The following PCDHGA8 variants were observed in gnomAD, a reference collection of about 807,000 sequenced individuals.
The protein encoded by PCDHGA8 is protocadherin gamma subfamily A, 8.
A neutral mutation model predicts 59.2 loss-of-function variants in PCDHGA8; 45 were observed. The ratio of observed to expected loss-of-function variants is 0.76; its 90% CI spans 0.60 to 0.98. The LOEUF (loss-of-function observed/expected upper bound fraction) is 0.98. Among genes scored for constraint, PCDHGA8 ranks in the 50% least tolerant of loss-of-function variants. The probability of loss-of-function intolerance (pLI) is 0.00; values close to 1 mark genes in which losing one functional copy is unlikely to be tolerated. For synonymous variants in PCDHGA8, 531 were observed against 519.0 expected, an observed-to-expected ratio of 1.02 and a Z score of -0.32; for missense variants, 1,257 against 1,196.2, an observed-to-expected ratio of 1.05 and a Z score of -0.75.
At chr5:141,484,921 T>A in intron 1 of PCDHGA8, 1 of 478,304 alleles carries the variant, frequency 2.1e-6, no homozygotes, top group South Asian at 2.8e-5. Flanking sequence ...TTAACCCTGC[T>A]GCTGTTGGGA....
rs754728562 is a variant in PCDHGA8, at chr5:141,489,487, G to A, written c.2425-5320G>A. 6.2e-7 allele frequency: 1 copy of A among 1,613,942 alleles called. No individual in the cohort carries two copies. On this transcript the variant is annotated intron_variant, in intron 1 of 3. Coordinates refer to ENST00000398604, the MANE Select transcript of PCDHGA8 (RefSeq NM_032088.2). This position sits in a 1 kb window ranked among gnomAD's most constrained non-coding sequence, Gnocchi z 4.5. The stretch of plus-strand genomic sequence containing the variant: ...TTTTTCCCTGAGCTTGATGAGTGGT[G>A]CCCTGGCAGTGAATCAAAAGATTGA...
intron 1 of PCDHGA8, chr5:141,427,070 G>A (rs929936578): frequency 3.1e-5 from 14 of 457,822 alleles, no homozygotes; most frequent in Non-Finnish European, 6.2e-5. Context: ...TACTAAAGGT[G>A]ACAGCCACTG....
At chr5:141,447,957 A>T (rs1460497437) in intron 1 of PCDHGA8, among the ~76,000 whole-genome samples, 3 of 151,910 alleles carry the variant, frequency 2.0e-5, no homozygotes, top group African/African-American at 7.3e-5. Context: ...ATGGTGGCGG[A>T]CACCTATAAT....
At position 141,392,643 on chromosome 5, in the gene PCDHGA8, AAGAC is replaced by A; in HGVS notation, c.-170_-167del. On this transcript the variant is annotated 5_prime_UTR_variant, in exon 1 of 4. Coordinates refer to ENST00000398604, the MANE Select transcript of PCDHGA8 (RefSeq NM_032088.2). ...AAACACTCAGATCTCACACCTCACG[AAGAC>A]CCGCAGATGCCACAAACTAACTGCT... is the stretch of plus-strand genomic sequence containing the variant. 1.5e-6 allele frequency: 1 copy of A among 663,020 alleles called. No individual in the cohort carries two copies. Among genetic ancestry groups the A allele is most frequent in the Middle Eastern group, 4.0e-4 (1 of 2,528 alleles). 41.1% of individuals were successfully genotyped at this position (663,020 alleles called of 1,614,324 possible). A position where few individuals can be genotyped will look rare whatever the true frequency, so the allele number is the denominator to read the frequency against.
chr5:141,401,623 T>A (rs1418194568), intron 1 of PCDHGA8, among the ~76,000 whole-genome samples: 1 of 152,230 alleles, frequency 6.6e-6, no homozygotes, highest in African/African-American at 2.4e-5. Flanking sequence ...GGATTTGTCT[T>A]ATCGTTTGGA....
chr5:141,419,454 T>A (rs1191326733), intron 1 of PCDHGA8: 1 of 1,612,786 alleles, frequency 6.2e-7, no homozygotes, highest in Non-Finnish European at 8.5e-7. Flanking sequence ...GAGCTCACGC[T>A]GCAGGCCCGC....
At chr5:141,413,443 A>G (rs2095641277) in intron 1 of PCDHGA8, 1 of 1,613,986 alleles carries the variant, frequency 6.2e-7, no homozygotes, top group Admixed American at 1.7e-5. Context: ...CAGCTTGATC[A>G]CCGCGGGCAG....
rs770638374 is a variant in PCDHGA8 at position 141,409,524 on chromosome 5, A to G, written c.2424+14287A>G. On this transcript the variant is annotated intron_variant, in intron 1 of 3. Coordinates refer to ENST00000398604, the MANE Select transcript of PCDHGA8 (RefSeq NM_032088.2). ...TCTTCCAGTAGAAGCATCACCTTGTATGTCGCTGACATCAACGACAACGCC... is the reference window on the plus strand; with the variant it reads ...TCTTCCAGTAGAAGCATCACCTTGTGTGTCGCTGACATCAACGACAACGCC... 11 of 1,613,972 alleles carry G rather than the reference A, an allele frequency of 6.8e-6. No homozygotes were observed. In the South Asian group the frequency reaches 1.1e-4, roughly 16 times the overall value.
At chr5:141,433,195 T>C (rs765385329) in intron 1 of PCDHGA8, 8 of 1,582,476 alleles carry the variant, frequency 5.1e-6, no homozygotes, top group Non-Finnish European at 6.9e-6. Flanking sequence ...TGAGTTTATA[T>C]CAAATCTTCT....
chr5:141,465,454 T>A (rs1031876441), intron 1 of PCDHGA8, among the ~76,000 whole-genome samples: 1 of 152,184 alleles, frequency 6.6e-6, no homozygotes, highest in Non-Finnish European at 1.5e-5. Flanking sequence ...AAGAAAACTC[T>A]CACCAAATTG....
At chr5:141,455,041 T>C (rs971722465) in intron 1 of PCDHGA8, among the ~76,000 whole-genome samples, 2 of 151,234 alleles carry the variant, frequency 1.3e-5, no homozygotes, top group Non-Finnish European at 2.9e-5. Flanking sequence ...CTCGATCTCC[T>C]GACCTCGTGA....
Position 141,490,310 on chromosome 5 carries a change from A to G in PCDHGA8, c.2425-4497A>G. 2 of 1,614,082 alleles carry G rather than the reference A, an allele frequency of 1.2e-6. No homozygotes were observed. Among genetic ancestry groups the G allele is most frequent in the South Asian group, 2.2e-5 (2 of 91,078 alleles). ...GAGGTGCTATTGGCCTCTTTGGCCA[A>G]CCCTGTCCTAGAGAGCACACCAGTG... On this transcript the variant is annotated intron_variant, in intron 1 of 3. Transcript: ENST00000398604. The surrounding 1 kb of genome is among the most constrained non-coding windows in gnomAD (Gnocchi z 5.4).
At chr5:141,471,046 C>CT (rs1170588345) in intron 1 of PCDHGA8, among the ~76,000 whole-genome samples, 3,156 of 113,234 alleles carry the variant, frequency 0.028, 57 homozygotes, top group African/African-American at 0.046. Context: ...CCCAAGCCCT[C>CT]TTTTTTTTTT....
At chr5:141,497,878 C>T (rs553853040) in intron 2 of PCDHGA8, among the ~76,000 whole-genome samples, 32 of 152,256 alleles carry the variant, frequency 2.1e-4, no homozygotes, top group Non-Finnish European at 3.5e-4. Flanking sequence ...GTGAAATAAG[C>T]GTTAGGATCT....
intron 1 of PCDHGA8, chr5:141,418,232 G>A (rs1034684988): frequency 6.2e-7 from 1 of 1,614,066 alleles, no homozygotes; most frequent in Non-Finnish European, 8.5e-7. Flanking sequence ...GGTGATTGAG[G>A]ATGTTAATGA....
In PCDHGA8 at chr5:141,476,177, C is replaced by T. The variant is rs1221752964; in HGVS notation, c.2425-18630C>T. On this transcript the variant is annotated intron_variant, in intron 1 of 3. Transcript: ENST00000398604. The surrounding 1 kb of genome is among the most constrained non-coding windows in gnomAD (Gnocchi z 7.6). ...CACCGGGAGGGTAGTGGGAGTTTTG[C>T]TTCTGCTTGGTGCCTTGAACAAGGC... 6.2e-7 allele frequency: 1 copy of T among 1,613,436 alleles called. No individual in the cohort carries two copies. Among genetic ancestry groups the T allele is most frequent in the Non-Finnish European group, 8.5e-7 (1 of 1,179,944 alleles).
chr5:141,443,947 T>C (rs2098410978), intron 1 of PCDHGA8, among the ~76,000 whole-genome samples: 1 of 152,082 alleles, frequency 6.6e-6, no homozygotes, highest in Non-Finnish European at 1.5e-5. Flanking sequence ...GGTTTCCTTA[T>C]TGGTATGTAT....
At position 141,476,923 on chromosome 5, in the gene PCDHGA8, G is replaced by A. The variant is rs368207814; in HGVS notation, c.2425-17884G>A. On this transcript the variant is annotated intron_variant, in intron 1 of 3. Transcript: ENST00000398604. This position sits in a 1 kb window ranked among gnomAD's most constrained non-coding sequence, Gnocchi z 7.6. ...CGCGCGTGGTACAAGTCCTTGCAAC[G>A]GATCTGGATGAAGGCCCCAACGGTG... The A allele has an allele frequency of 5.0e-6, 8 of 1,614,024 alleles. No individual in the cohort carries two copies. Among genetic ancestry groups the A allele is most frequent in the African/African-American group, 4.0e-5 (3 of 74,952 alleles).
chr5:141,470,037 G>A lies in PCDHGA8; in HGVS notation c.2425-24770G>A, dbSNP rs76537989. Among the ~76,000 whole-genome samples the A allele has an allele frequency of 2.3e-3, 347 of 152,258 alleles. 6 individuals are homozygous for A. The East Asian group carries it at 0.048, about 21-fold the overall frequency. On this transcript the variant is annotated intron_variant, in intron 1 of 3. Transcript: ENST00000398604. ...CCAGCTACTCGGGATGCTGAGGCGC[G>A]AGAACTGTTTGAACCCCGGAGGCAG...
Sources: allele counts gnomAD v4.1 joint callset (sites outside exome capture counted in the v4.1 genomes callset), GRCh38; gene constraint gnomAD v4.1.1; non-coding constraint Gnocchi (gnomAD v3.1); transcripts MANE v1.5; gene names NCBI Gene and HGNC (gene_info 2026-07-23, HGNC 2026-07-21).